SIK3: variants seen among roughly 807,000 people sequenced by gnomAD.
SIK3 encodes the protein serine/threonine-protein kinase SIK3.
Under a neutral mutation model 144.2 loss-of-function variants are expected in SIK3, and 28 were observed. That is an observed-to-expected ratio of 0.19 (90% CI 0.14 to 0.27). The LOEUF is 0.27. Among genes scored for constraint, SIK3 ranks in the 10% least tolerant of loss-of-function variants. The probability of loss-of-function intolerance (pLI) is 1.00; values close to 1 mark genes in which losing one functional copy is unlikely to be tolerated. For synonymous variants in SIK3, 686 were observed against 676.3 expected, an observed-to-expected ratio of 1.01 and a Z score of -0.22; for missense variants, 1,319 against 1,776.0, an observed-to-expected ratio of 0.74 and a Z score of 4.62.
chr11:116,932,623 C>A (rs1324961661), intron 3 of SIK3, among the ~76,000 whole-genome samples: 1 of 152,118 alleles, frequency 6.6e-6, no homozygotes, highest in Non-Finnish European at 1.5e-5. Flanking sequence ...ATTTCACCAC[C>A]ACAAAGATCT....
At chr11:116,920,119 T>C (rs1416994916) in intron 4 of SIK3, among the ~76,000 whole-genome samples, 3 of 151,730 alleles carry the variant, frequency 2.0e-5, no homozygotes, top group Non-Finnish European at 2.9e-5. Context: ...TCGGGGAGAC[T>C]CCTCTCCTTT....
At chr11:117,028,295 T>C (rs534476861) in intron 1 of SIK3, among the ~76,000 whole-genome samples, 100 of 152,320 alleles carry the variant, frequency 6.6e-4, no homozygotes, top group African/African-American at 2.3e-3. Context: ...TTCACTCATA[T>C]CTTCATCTAC....
chr11:117,039,618 C>CA (rs1952655977), intron 1 of SIK3, among the ~76,000 whole-genome samples: 2 of 152,118 alleles, frequency 1.3e-5, no homozygotes, highest in African/African-American at 4.8e-5. Flanking sequence ...GGTCCACATT[C>CA]AAAAGACATA....
At chr11:116,852,488 G>C (rs536662534) in intron 21 of SIK3, among the ~76,000 whole-genome samples, 129 of 152,320 alleles carry the variant, frequency 8.5e-4, no homozygotes, top group African/African-American at 3.0e-3. Context: ...CGTGAATCCT[G>C]GCTTAGCTGC....
intron 6 of SIK3, among the ~76,000 whole-genome samples, chr11:116,889,768 G>A (rs1178575272): frequency 2.6e-5 from 4 of 152,180 alleles, no homozygotes; most frequent in East Asian, 1.9e-4. Context: ...GTGGTGGCGT[G>A]CGCCTGTAGA....
Position 116,859,275 on chromosome 11 carries a change from C to T in SIK3, c.2755G>A (p.Glu919Lys). 1.2e-5 allele frequency: 19 copies of T among 1,606,740 alleles called. No individual in the cohort carries two copies. Among genetic ancestry groups the T allele is most frequent in the Non-Finnish European group, 1.6e-5 (19 of 1,174,528 alleles). ...LSKQLSADSA[E>K]AHSLNVNRFS... ...GTTAGGCGGTCTTACCTGTGAGCCT[C>T]TGCACTGTCAGCACTCAGCTGCTTG... Residue 919 changes from glutamate (E) to lysine (K), a missense_variant, in exon 20 of 25, where the codon GAG (glutamate) becomes AAG (lysine). Transcript: ENST00000445177.
At position 116,940,825 on chromosome 11, in the gene SIK3, T is replaced by G. The variant is rs371637751; in HGVS notation, c.454+13219A>C. On this transcript the variant is annotated intron_variant, in intron 3 of 24. Coordinates refer to ENST00000445177, the MANE Select transcript of SIK3 (RefSeq NM_001366686.3). ...AAGGATAAATAAATAAAATAAATGT[T>G]AGTCATATCTGATATTAAGAAAACA... Among the ~76,000 whole-genome samples the G allele has an allele frequency of 3.3e-5, 5 of 151,466 alleles. No individual in the cohort carries two copies. The East Asian group carries it at 7.7e-4, about 23-fold the overall frequency.
At chr11:117,057,595 G>C (rs1301420357) in intron 1 of SIK3, among the ~76,000 whole-genome samples, 1 of 152,172 alleles carries the variant, frequency 6.6e-6, no homozygotes, top group African/African-American at 2.4e-5. Context: ...CTGACCTCGA[G>C]GAGCTTAGAG....
rs752808217 is a variant in SIK3, at chr11:116,873,481, T to C, written c.1737A>G (p.Pro579=). Reference sequence around the variant, plus strand: ...AATTGGGCTCTGTGCTGCTACTCACTGGTGTCATGGTGACAAGCGGAGAGG... The same window carrying C: ...AATTGGGCTCTGTGCTGCTACTCACCGGTGTCATGGTGACAAGCGGAGAGG... ...RGPSPLVTMT[P]AVPAVTPVDE... The change falls in exon 13 of 25, where the codon CCA becomes CCG. Residue 579 remains proline, a splice_region_variant and synonymous_variant. Coordinates refer to ENST00000445177, the MANE Select transcript of SIK3 (RefSeq NM_001366686.3). 6.2e-7 allele frequency: 1 copy of C among 1,614,164 alleles called. No homozygotes were observed. The highest frequency in any genetic ancestry group is 8.5e-7 in the Non-Finnish European group (1 of 1,180,010).
intron 1 of SIK3, among the ~76,000 whole-genome samples, chr11:117,089,869 T>G (rs189996064): frequency 9.7e-4 from 148 of 152,330 alleles, no homozygotes; most frequent in African/African-American, 3.2e-3. Context: ...TGGCTAAGTA[T>G]TCACAATCTG....
chr11:116,986,131 T>C (rs1285603439), intron 1 of SIK3, among the ~76,000 whole-genome samples: 2 of 152,178 alleles, frequency 1.3e-5, no homozygotes, highest in Admixed American at 1.3e-4. Context: ...CTCCTTTCTC[T>C]GAAGAACAAT....
At chr11:117,019,774 C>T (rs1951691138) in intron 1 of SIK3, among the ~76,000 whole-genome samples, 2 of 151,824 alleles carry the variant, frequency 1.3e-5, no homozygotes, top group Admixed American at 6.6e-5. Flanking sequence ...CCACCACGCC[C>T]GGCTAATTTT....
At chr11:116,927,420 A>T (rs1334445274) in intron 3 of SIK3, 40 bp from the exon 4 acceptor site, 1 of 1,593,418 alleles carries the variant, frequency 6.3e-7, no homozygotes. Flanking sequence ...CATTTTGGAC[A>T]CTTGTGTAAT....
chr11:117,089,143 C>T (rs1182695691), intron 1 of SIK3, among the ~76,000 whole-genome samples: 1 of 151,956 alleles, frequency 6.6e-6, no homozygotes, highest in South Asian at 2.1e-4. Flanking sequence ...CGGTGGCTCA[C>T]GCCTGTAATC....
chr11:117,024,317 T>TA (rs201592688), intron 1 of SIK3, among the ~76,000 whole-genome samples: 465 of 132,126 alleles, frequency 3.5e-3, no homozygotes, highest in South Asian at 7.0e-3. Context: ...ACACAGTCTT[T>TA]AAAAAAAAAA....
Position 116,977,946 on chromosome 11 carries a change from CG to C in SIK3, c.274-20883del, listed in dbSNP as rs529721357. Among the ~76,000 whole-genome samples the C allele has an allele frequency of 1.9e-3, 285 of 152,326 alleles. 2 individuals are homozygous for C. The highest frequency in any genetic ancestry group is 6.4e-3 in the African/African-American group (267 of 41,582). On this transcript the variant is annotated intron_variant, in intron 1 of 24. Coordinates refer to ENST00000445177, the MANE Select transcript of SIK3 (RefSeq NM_001366686.3). ...AGAATTACTATCTGCAAGCCGGGTG[CG>C]GTGGCTCACGCCTGTAATCCCAGCA...
At chr11:116,953,074 T>C (rs1030182365) in intron 3 of SIK3, among the ~76,000 whole-genome samples, 1 of 151,914 alleles carries the variant, frequency 6.6e-6, no homozygotes, top group African/African-American at 2.4e-5. Flanking sequence ...AAAAAAACAC[T>C]AGATCGCTAG....
At chr11:116,987,832 A>C (rs1303804396) in intron 1 of SIK3, among the ~76,000 whole-genome samples, 1 of 152,178 alleles carries the variant, frequency 6.6e-6, no homozygotes, top group African/African-American at 2.4e-5. Context: ...TTGAAGAATC[A>C]TTATGCAGAG....
intron 3 of SIK3, among the ~76,000 whole-genome samples, chr11:116,932,847 A>C (rs1947692383): frequency 6.6e-6 from 1 of 152,058 alleles, no homozygotes; most frequent in Non-Finnish European, 1.5e-5. Flanking sequence ...TTCAAGCTGG[A>C]CTGCAGTGGC....
Sources: allele counts gnomAD v4.1 joint callset (sites outside exome capture counted in the v4.1 genomes callset), GRCh38; gene constraint gnomAD v4.1.1; transcripts MANE v1.5; gene names NCBI Gene and HGNC (gene_info 2026-07-23, HGNC 2026-07-21).